The following CHM variants were observed in gnomAD, a reference collection of about 807,000 sequenced individuals.
CHM encodes the protein CHM Rab escort protein.
CHM carries 10 observed loss-of-function variants against 49.0 expected under a neutral mutation model. The ratio of observed to expected loss-of-function variants is 0.20; its 90% CI spans 0.13 to 0.35. The LOEUF is 0.35. Ranked by LOEUF, CHM falls within the 10% of genes least tolerant of loss-of-function variation. The pLI is 1.00. For missense variants in CHM, 455 were observed against 478.4 expected, an observed-to-expected ratio of 0.95 and a Z score of 0.46; for synonymous variants, 184 against 167.5, an observed-to-expected ratio of 1.10 and a Z score of -0.76.
intron 12 of CHM, among the ~76,000 whole-genome samples, chrX:85,883,699 C>A (rs1447735808): frequency 2.7e-5 from 3 of 110,941 alleles, no homozygotes; most frequent in Non-Finnish European, 5.7e-5. Flanking sequence ...ATATCTAACT[C>A]ATTTTTATAA....
chrX:85,924,410 T>C (rs748564367), intron 8 of CHM, among the ~76,000 whole-genome samples: 2 of 111,415 alleles, frequency 1.8e-5, no homozygotes, highest in African/African-American at 6.5e-5. Context: ...ATGAAAGCAG[T>C]CTCCCCCATG....
At chrX:85,866,036 G>T (rs1348136233) in intron 14 of CHM, among the ~76,000 whole-genome samples, 1 of 112,596 alleles carries the variant, frequency 8.9e-6, no homozygotes, top group Non-Finnish European at 1.9e-5. Flanking sequence ...TGGGAGAAAA[G>T]AAAAAACCAT....
At chrX:86,038,417 C>T (rs1337587086) in intron 1 of CHM, among the ~76,000 whole-genome samples, 1 of 111,698 alleles carries the variant, frequency 9.0e-6, no homozygotes, top group African/African-American at 3.3e-5. Flanking sequence ...CTGATGGAAC[C>T]AATGAATTAT....
At chrX:86,008,590 C>T (rs5967666) in intron 2 of CHM, among the ~76,000 whole-genome samples, 1,284 of 111,591 alleles carry the variant, frequency 0.012, 16 homozygotes, top group African/African-American at 0.038. Flanking sequence ...ATCCTTACTT[C>T]GCTGTCTTCC....
At chrX:85,915,573 T>C (rs1927401514) in intron 8 of CHM, among the ~76,000 whole-genome samples, 1 of 112,392 alleles carries the variant, frequency 8.9e-6, no homozygotes, top group Admixed American at 9.4e-5. Flanking sequence ...CAAAAGTTTC[T>C]TAAGCTAATA....
chrX:85,974,643 T>G (rs1477875252), intron 4 of CHM, among the ~76,000 whole-genome samples: 1 of 110,569 alleles, frequency 9.0e-6, no homozygotes, highest in African/African-American at 3.3e-5. Flanking sequence ...GGAGGAAGAA[T>G]AGCCTTTTCA....
intron 8 of CHM, among the ~76,000 whole-genome samples, chrX:85,917,713 C>T (rs1485106850): frequency 9.2e-6 from 1 of 108,556 alleles, no homozygotes; most frequent in African/African-American, 3.4e-5. Context: ...TAAGAAAGAA[C>T]CAAACAGAAC....
At chrX:85,911,378 G>T in intron 8 of CHM, 40 bp from the exon 9 acceptor site, 1 of 726,452 alleles carries the variant, frequency 1.4e-6, no homozygotes, top group Non-Finnish European at 2.0e-6. Context: ...GGGTAATTGG[G>T]TTGAAAATAA....
intron 8 of CHM, among the ~76,000 whole-genome samples, chrX:85,924,698 C>T (rs1927984045): frequency 8.9e-6 from 1 of 111,930 alleles, no homozygotes; most frequent in Non-Finnish European, 1.9e-5. Context: ...AACAGCACTG[C>T]TGCTAATTCA....
intron 8 of CHM, among the ~76,000 whole-genome samples, chrX:85,950,610 G>A (rs1042333034): frequency 9.7e-6 from 1 of 103,275 alleles, no homozygotes; most frequent in Non-Finnish European, 1.9e-5. Context: ...CCAAAAAGGC[G>A]AGAAGAGAAA....
At chrX:85,943,291 A>G (rs1929227006) in intron 8 of CHM, among the ~76,000 whole-genome samples, 1 of 111,393 alleles carries the variant, frequency 9.0e-6, no homozygotes, top group Non-Finnish European at 1.9e-5. Context: ...ATATGAACAG[A>G]CACTTCTCAA....
intron 8 of CHM, among the ~76,000 whole-genome samples, chrX:85,949,406 C>G (rs1295293654): frequency 9.0e-6 from 1 of 111,707 alleles, no homozygotes; most frequent in Non-Finnish European, 1.9e-5. Flanking sequence ...AGCTTTAGAT[C>G]ACTTCCCAGT....
rs1451841176 is a variant in CHM at position 86,043,941 on chromosome X, G to A, written c.49+3543C>T. Among the ~76,000 whole-genome samples the A allele has an allele frequency of 3.6e-5, 4 of 111,539 alleles. No homozygotes were observed. In the East Asian group the frequency reaches 1.1e-3, roughly 31 times the overall value. On this transcript the variant is annotated intron_variant, in intron 1 of 14. Coordinates refer to ENST00000357749, the MANE Select transcript of CHM (RefSeq NM_000390.4). ...AGAATATATGTGTTTATCCTATGCA[G>A]TAGAAAAATTAAGCTAACCTACTCT...
intron 2 of CHM, among the ~76,000 whole-genome samples, chrX:85,983,501 TCTG>T (rs772336294): frequency 9.0e-6 from 1 of 111,387 alleles, no homozygotes; most frequent in South Asian, 3.8e-4. Flanking sequence ...AGAATACAAT[TCTG>T]CTATCTCTTC....
chrX:85,885,191 A>G (rs1406260087), intron 12 of CHM, among the ~76,000 whole-genome samples: 1 of 110,629 alleles, frequency 9.0e-6, no homozygotes, highest in Non-Finnish European at 1.9e-5. Context: ...GTACTTAAAG[A>G]CAACAACATA....
intron 8 of CHM, among the ~76,000 whole-genome samples, chrX:85,933,213 T>A (rs1488527393): frequency 9.1e-6 from 1 of 110,010 alleles, no homozygotes; most frequent in Non-Finnish European, 1.9e-5. Context: ...TGAGACTCTG[T>A]CTCAAAAAAT....
intron 2 of CHM, among the ~76,000 whole-genome samples, chrX:86,011,282 G>C (rs768610053): frequency 9.0e-6 from 1 of 111,124 alleles, no homozygotes; most frequent in African/African-American, 3.3e-5. Flanking sequence ...GATACTACCG[G>C]GATTATCAAA....
At chrX:85,952,296 G>A (rs768968036) in intron 8 of CHM, among the ~76,000 whole-genome samples, 14 of 110,841 alleles carry the variant, frequency 1.3e-4, no homozygotes, top group African/African-American at 4.3e-4. Flanking sequence ...TCACAGCAAC[G>A]AAGGTGTCTA....
chrX:85,909,492 AAT>A (rs2148164660), intron 9 of CHM, among the ~76,000 whole-genome samples: 1 of 111,720 alleles, frequency 9.0e-6, no homozygotes, highest in South Asian at 3.8e-4. Flanking sequence ...GAAGAACAGA[AAT>A]CTGCATTTTT....
Sources: allele counts gnomAD v4.1 joint callset (sites outside exome capture counted in the v4.1 genomes callset), GRCh38; gene constraint gnomAD v4.1.1; transcripts MANE v1.5; gene names NCBI Gene and HGNC (gene_info 2026-07-23, HGNC 2026-07-21).